BPIFB1: variants seen among roughly 807,000 people sequenced by gnomAD.
BPIFB1 encodes the protein BPI fold containing family B member 1.
A neutral mutation model predicts 55.1 loss-of-function variants in BPIFB1; 34 were observed. That is an observed-to-expected ratio of 0.62 (90% CI 0.47 to 0.82). The LOEUF is 0.82. BPIFB1 is among the 40% of genes least tolerant of loss of function. The probability of loss-of-function intolerance (pLI) is 0.00; values close to 1 mark genes in which losing one functional copy is unlikely to be tolerated. For missense variants in BPIFB1, 532 were observed against 593.1 expected (o/e 0.90, Z 1.07); for synonymous variants, 236 against 245.3 (o/e 0.96, Z 0.35).
intron 15 of BPIFB1, chr20:33,307,927 A>T (rs1981090846): frequency 6.6e-6 from 1 of 152,186 alleles, no homozygotes; most frequent in Admixed American, 6.6e-5. Context: ...CCCAAAAAAA[A>T]AAGGAAAGAA....
At chr20:33,290,405 CTA>C (rs1199505488) in intron 4 of BPIFB1, among the ~76,000 whole-genome samples, 2 of 152,156 alleles carry the variant, frequency 1.3e-5, no homozygotes, top group Non-Finnish European at 2.9e-5. Context: ...TATCCCAAAG[CTA>C]CTGCAACAAT....
In BPIFB1 at chr20:33,309,739, G is replaced by A; in HGVS notation, c.1427G>A (p.Trp476Ter). 6.2e-7 allele frequency: 1 copy of A among 1,614,164 alleles called. No individual in the cohort carries two copies. ...CTTGTGCTTACTCCAGCCTCCTTGT[G>A]GAAACCCAGCTCTCCTGTCTCCCAG... ...DALVLTPASL[W>*]KPSSPVSQ The change falls in exon 16 of 16, where the codon TGG becomes TAG. Residue 476 changes from tryptophan (W) to a stop codon, truncating the protein, a stop_gained. Transcript: ENST00000253354. LOFTEE classifies it low-confidence loss of function (END_TRUNC). This position sits in a 1 kb window ranked among gnomAD's most constrained non-coding sequence, Gnocchi z 4.4.
intron 15 of BPIFB1, among the ~76,000 whole-genome samples, chr20:33,308,736 A>C (rs1166002131): frequency 3.3e-5 from 5 of 151,616 alleles, no homozygotes; most frequent in Non-Finnish European, 7.4e-5. Flanking sequence ...ATACACACAC[A>C]CATACATATT....
chr20:33,307,203 C>A (rs1981059973), intron 15 of BPIFB1: 1 of 537,282 alleles, frequency 1.9e-6, no homozygotes. Context: ...ACTTTTTCCA[C>A]CCCCTTGTCA....
At chr20:33,307,019 C>G (rs761775946) in intron 15 of BPIFB1, 32 bp downstream of exon 15, 2 of 1,594,180 alleles carry the variant, frequency 1.3e-6, no homozygotes, top group Admixed American at 3.3e-5. Flanking sequence ...CATCCTGCCC[C>G]AGGGAGGGCA....
intron 6 of BPIFB1, among the ~76,000 whole-genome samples, chr20:33,294,149 A>G (rs1375984164): frequency 6.6e-6 from 1 of 152,218 alleles, no homozygotes; most frequent in African/African-American, 2.4e-5. Flanking sequence ...AAATATCTAC[A>G]TATTAAAGAG....
chr20:33,289,968 T>G lies in BPIFB1; in HGVS notation c.341T>G (p.Leu114Arg). 6.2e-7 allele frequency: 1 copy of G among 1,614,170 alleles called. No homozygotes were observed. Among genetic ancestry groups the G allele is most frequent in the Non-Finnish European group, 8.5e-7 (1 of 1,180,016 alleles). The change falls in exon 4 of 16, where the codon CTG (leucine) becomes CGG (arginine). Residue 114 changes from leucine (L) to arginine (R), a missense_variant. Physicochemically the swap from Leu to Arg is moderately radical, Grantham distance 102. Transcript: ENST00000253354. ...CAGGAGCTGCTAGTCAAGATCCCCCTGGACATGGTGGCTGGATTCAACACG... is the reference window on the plus strand; with the variant it reads ...CAGGAGCTGCTAGTCAAGATCCCCCGGGACATGGTGGCTGGATTCAACACG... ...NDQELLVKIP[L>R]DMVAGFNTPL...
In BPIFB1 at chr20:33,291,938, C is replaced by T; in HGVS notation, c.547C>T (p.Gln183Ter). The change falls in exon 6 of 16, where the codon CAG (glutamine) becomes TAG (stop). Residue 183 changes from glutamine (Q) to a stop codon, truncating the protein, a stop_gained. Transcript: ENST00000253354. LOFTEE classifies it high-confidence loss of function. ...LSFLVNALAKQVMNLLVPSLP... is the reference protein window; with the variant it reads ...LSFLVNALAK ...CTTCCTGGTGAACGCCTTAGCTAAGCAGGTCATGAACCTCCTAGTGCCATC... is the reference window on the plus strand; with the variant it reads ...CTTCCTGGTGAACGCCTTAGCTAAGTAGGTCATGAACCTCCTAGTGCCATC... 6.2e-7 allele frequency: 1 copy of T among 1,614,242 alleles called. No homozygotes were observed. The highest frequency in any genetic ancestry group is 1.1e-5 in the South Asian group (1 of 91,092).
intron 6 of BPIFB1, among the ~76,000 whole-genome samples, chr20:33,296,766 T>G (rs1980666090): frequency 6.6e-6 from 1 of 152,208 alleles, no homozygotes; most frequent in South Asian, 2.1e-4. Context: ...AAGTGCCCAG[T>G]GAGCAAAGGG....
At chr20:33,298,998 G>T (rs1426211472) in intron 7 of BPIFB1, 4 of 232,702 alleles carry the variant, frequency 1.7e-5, no homozygotes, top group South Asian at 4.3e-5. Flanking sequence ...TTTTGGAGAC[G>T]GACCTTTTTT....
chr20:33,289,535 G>C (rs1406169649), intron 3 of BPIFB1, among the ~76,000 whole-genome samples: 1 of 152,216 alleles, frequency 6.6e-6, no homozygotes, highest in African/African-American at 2.4e-5. Context: ...CATCCAGGTA[G>C]AAGAATCAGG....
At chr20:33,299,872 C>G in intron 7 of BPIFB1, 27 bp from the exon 8 acceptor site, 6 of 1,610,658 alleles carry the variant, frequency 3.7e-6, no homozygotes, top group Non-Finnish European at 5.1e-6. Context: ...TCCACCCTCA[C>G]AGAACTTTCT....
At chr20:33,290,423 A>T (rs1363085336) in intron 4 of BPIFB1, among the ~76,000 whole-genome samples, 1 of 152,174 alleles carries the variant, frequency 6.6e-6, no homozygotes, top group Non-Finnish European at 1.5e-5. Context: ...ACAATTCAGG[A>T]GGAGATAATG....
At chr20:33,295,871 GGATT>G (rs1980634290) in intron 6 of BPIFB1, among the ~76,000 whole-genome samples, 1 of 136,610 alleles carries the variant, frequency 7.3e-6, no homozygotes, top group African/African-American at 2.8e-5. Flanking sequence ...GGAAGGAAGG[GGATT>G]GGGAAGGGAA....
rs1024846914 is a variant in BPIFB1 at position 33,291,462 on chromosome 20, C to T, written c.515+356C>T. ...CAACACATTCTCTTCATTTGCTCTC[C>T]GGGTGATGATGGCCAAGTGGCCACC... is the stretch of plus-strand genomic sequence containing the variant. On this transcript the variant is annotated intron_variant, in intron 5 of 15. Transcript: ENST00000253354. Among the ~76,000 whole-genome samples the T allele has an allele frequency of 3.9e-5, 6 of 152,290 alleles. No homozygotes were observed. The East Asian group carries it at 9.6e-4, about 24-fold the overall frequency.
Position 33,297,551 on chromosome 20 carries a change from C to A in BPIFB1, c.624C>A (p.Phe208Leu). 1 of 1,614,204 alleles carries A rather than the reference C, an allele frequency of 6.2e-7. No homozygotes were observed. The highest frequency in any genetic ancestry group is 8.5e-7 in the Non-Finnish European group (1 of 1,180,022). ...TGTGTCCCGTGATCGAGGCTTCCTT[C>A]AATGGCATGTATGCAGACCTCCTGC... The part of the protein sequence containing the change: ...NQLCPVIEAS[F>L]NGMYADLLQL... Residue 208 changes from phenylalanine (F) to leucine (L), a missense_variant, in exon 7 of 16, where the codon TTC (phenylalanine) becomes TTA (leucine). Coordinates refer to ENST00000253354, the MANE Select transcript of BPIFB1 (RefSeq NM_033197.3).
rs936547140 is a variant in BPIFB1, at chr20:33,286,098, C to G, written c.25C>G (p.Leu9Val). 6.2e-7 allele frequency: 1 copy of G among 1,614,232 alleles called. No homozygotes were observed. Among genetic ancestry groups the G allele is most frequent in the Non-Finnish European group, 8.5e-7 (1 of 1,180,034 alleles). MAGPWTFT[L>V]LCGLLAATLI... ...GATGGCCGGCCCGTGGACCTTCACC[C>G]TTCTCTGTGGTTTGCTGGCAGCCAC... is the stretch of plus-strand genomic sequence containing the variant. The change falls in exon 2 of 16, where the codon CTT becomes GTT. Residue 9 changes from leucine (L) to valine (V), a missense_variant. By Grantham distance (32) the Leu-to-Val change is conservative. Coordinates refer to ENST00000253354, the MANE Select transcript of BPIFB1 (RefSeq NM_033197.3).
At chr20:33,285,879 A>G (rs542072312) in intron 1 of BPIFB1, among the ~76,000 whole-genome samples, 154 bp from the exon 2 acceptor site, 3 of 152,336 alleles carry the variant, frequency 2.0e-5, no homozygotes, top group African/African-American at 7.2e-5. Flanking sequence ...CTGAGGCACA[A>G]AGAGGTTACG....
At chr20:33,293,509 TAA>T (rs1980538093) in intron 6 of BPIFB1, among the ~76,000 whole-genome samples, 1 of 152,210 alleles carries the variant, frequency 6.6e-6, no homozygotes, top group African/African-American at 2.4e-5. Flanking sequence ...GTGATTTTAT[TAA>T]GAGTACTTTA....
Sources: allele counts gnomAD v4.1 joint callset (sites outside exome capture counted in the v4.1 genomes callset), GRCh38; gene constraint gnomAD v4.1.1; non-coding constraint Gnocchi (gnomAD v3.1); transcripts MANE v1.5; gene names NCBI Gene and HGNC (gene_info 2026-07-23, HGNC 2026-07-21).